Variants in EYA3 observed in about 807,000 individuals in gnomAD.
EYA3 encodes EYA transcriptional coactivator and phosphatase 3.
EYA3 carries 39 observed loss-of-function variants against 80.0 expected under a neutral mutation model. The ratio of observed to expected loss-of-function variants is 0.49; its 90% CI spans 0.38 to 0.64. The LOEUF is 0.64. EYA3 is among the 30% of genes least tolerant of loss of function. The probability of loss-of-function intolerance (pLI) is 0.00; values close to 1 mark genes in which losing one functional copy is unlikely to be tolerated. For missense variants in EYA3, 523 were observed against 676.1 expected (o/e 0.77, Z 2.51); for synonymous variants, 206 against 232.8 (o/e 0.88, Z 1.05).
At chr1:27,975,476 C>A (rs1349829810) in intron 17 of EYA3, among the ~76,000 whole-genome samples, 1 of 150,732 alleles carries the variant, frequency 6.6e-6, no homozygotes, top group Admixed American at 6.6e-5. Context: ...GCCACTGTGC[C>A]TGGAGGCCAT....
intron 1 of EYA3, among the ~76,000 whole-genome samples, chr1:28,072,186 C>T (rs1025821656): frequency 6.6e-6 from 1 of 152,042 alleles, no homozygotes; most frequent in Non-Finnish European, 1.5e-5. Context: ...AAAAACAGAA[C>T]CAAAACTAGT....
chr1:28,044,494 A>G (rs1490846176), intron 3 of EYA3, among the ~76,000 whole-genome samples: 1 of 152,196 alleles, frequency 6.6e-6, no homozygotes, highest in Admixed American at 6.5e-5. Flanking sequence ...TCATTCCTAC[A>G]TTCATGCACC....
At chr1:28,050,544 C>T (rs541195114) in intron 2 of EYA3, among the ~76,000 whole-genome samples, 52 of 152,112 alleles carry the variant, frequency 3.4e-4, no homozygotes, top group African/African-American at 1.1e-3. Context: ...CTTCTTTACG[C>T]TCCTTCATTT....
chr1:28,034,001 C>A (rs1294476864), intron 6 of EYA3, among the ~76,000 whole-genome samples: 1 of 151,628 alleles, frequency 6.6e-6, no homozygotes, highest in Non-Finnish European at 1.5e-5. Context: ...TTGAGACCAG[C>A]TGGCCAAAAT....
At chr1:27,998,262 C>G (rs1306200578) in intron 12 of EYA3, 2 of 965,564 alleles carry the variant, frequency 2.1e-6, no homozygotes, top group African/African-American at 3.5e-5. Context: ...TCTTATGCCC[C>G]CTAAAGTTGA....
chr1:28,042,516 A>T, intron 4 of EYA3, 55 bp downstream of exon 4: 1 of 1,465,744 alleles, frequency 6.8e-7, no homozygotes, highest in Non-Finnish European at 9.5e-7. Context: ...CTATAAGAAA[A>T]GCATTACTAG....
rs141015518 is a variant in EYA3 at position 28,035,584 on chromosome 1, G to C, written c.321C>G (p.Val107=). Residue 107 remains valine, a synonymous_variant, in exon 6 of 18, where the codon GTC becomes GTG. Transcript: ENST00000373871. ...CATACGTTTGGGTTGCCTGAGGGTA[G>C]ACAGCATAGGGTTGAGTCTGCTGTA... The part of the protein sequence containing the change: ...QTLQQTQPYA[V]YPQATQTYGL... 61 of 1,613,964 alleles carry C rather than the reference G, an allele frequency of 3.8e-5. No individual in the cohort carries two copies. The African/African-American group carries it at 7.9e-4, about 21-fold the overall frequency.
chr1:28,021,993 C>G (rs1252545995), intron 7 of EYA3, among the ~76,000 whole-genome samples: 1 of 152,100 alleles, frequency 6.6e-6, no homozygotes, highest in Non-Finnish European at 1.5e-5. Flanking sequence ...AATTCCTGAT[C>G]CAGTAGAAGC....
intron 9 of EYA3, 72 bp from the exon 10 acceptor site, chr1:28,011,158 G>C: frequency 6.7e-7 from 1 of 1,493,544 alleles, no homozygotes; most frequent in Non-Finnish European, 9.1e-7. Context: ...AAGAGGGTTA[G>C]TGGACTCTCT....
At chr1:27,985,354 C>T (rs946637745) in intron 16 of EYA3, among the ~76,000 whole-genome samples, 4 of 152,146 alleles carry the variant, frequency 2.6e-5, no homozygotes, top group Non-Finnish European at 5.9e-5. Context: ...GCTGGGATTA[C>T]AGGTGTGAAC....
chr1:28,063,199 GAC>G (rs896432233), intron 1 of EYA3, among the ~76,000 whole-genome samples: 6 of 151,768 alleles, frequency 4.0e-5, no homozygotes, highest in African/African-American at 1.4e-4. Context: ...GGATATCTAT[GAC>G]ACAGTCCCAC....
intron 1 of EYA3, among the ~76,000 whole-genome samples, chr1:28,075,141 T>G (rs1645157141): frequency 6.6e-6 from 1 of 152,224 alleles, no homozygotes; most frequent in Non-Finnish European, 1.5e-5. Context: ...GTCTAGAGAT[T>G]AATCAGAACT....
At chr1:28,083,224 T>C (rs1409667637) in intron 1 of EYA3, among the ~76,000 whole-genome samples, 1 of 152,120 alleles carries the variant, frequency 6.6e-6, no homozygotes, top group Non-Finnish European at 1.5e-5. Context: ...ATGGAGATAG[T>C]AAGAAGAGTA....
chr1:28,012,180 C>CT (rs990148960), intron 9 of EYA3, among the ~76,000 whole-genome samples: 2 of 152,158 alleles, frequency 1.3e-5, no homozygotes, highest in African/African-American at 4.8e-5. Flanking sequence ...AAGTTGATAA[C>CT]TGTTGAAGAT....
intron 14 of EYA3, among the ~76,000 whole-genome samples, chr1:27,992,423 G>T (rs1447200860): frequency 1.3e-5 from 2 of 152,112 alleles, no homozygotes; most frequent in African/African-American, 4.8e-5. Context: ...CCACTGATCT[G>T]ACAGGAAGTG....
chr1:28,070,628 T>A (rs1008108796), intron 1 of EYA3, among the ~76,000 whole-genome samples: 2 of 150,696 alleles, frequency 1.3e-5, no homozygotes, highest in Non-Finnish European at 1.5e-5. Context: ...GAAAAAAAAA[T>A]GCTTCCAGAC....
chr1:28,027,336 A>C (rs1463059162), intron 7 of EYA3, among the ~76,000 whole-genome samples: 1 of 152,220 alleles, frequency 6.6e-6, no homozygotes, highest in Non-Finnish European at 1.5e-5. Flanking sequence ...CTTCTTGAGC[A>C]AGAGAAATGC....
Position 28,048,436 on chromosome 1 carries a change from T to C in EYA3, c.34-10A>G, listed in dbSNP as rs771011223. ...TCTTGGCTTTTTTCACCTGCAAAAA[T>C]AAATATACAAAGGTATCAATGTACT... On this transcript the variant is annotated splice_polypyrimidine_tract_variant and intron_variant, in intron 2 of 17. Coordinates refer to ENST00000373871, the MANE Select transcript of EYA3 (RefSeq NM_001990.4). 7.5e-6 allele frequency: 12 copies of C among 1,609,112 alleles called. No homozygotes were observed. Among genetic ancestry groups the C allele is most frequent in the Non-Finnish European group, 9.4e-6 (11 of 1,176,280 alleles).
At chr1:28,082,245 T>C (rs1218796099) in intron 1 of EYA3, among the ~76,000 whole-genome samples, 3 of 152,156 alleles carry the variant, frequency 2.0e-5, no homozygotes, top group Non-Finnish European at 2.9e-5. Context: ...GATTCTACGA[T>C]TCTCGACTGT....
Sources: allele counts gnomAD v4.1 joint callset (sites outside exome capture counted in the v4.1 genomes callset), GRCh38; gene constraint gnomAD v4.1.1; transcripts MANE v1.5; gene names NCBI Gene and HGNC (gene_info 2026-07-23, HGNC 2026-07-21).